CADM1: variants seen among roughly 807,000 people sequenced by gnomAD.
CADM1 encodes the protein cell adhesion molecule 1, also known as TSLC-1.
In CADM1, 15 loss-of-function variants were observed where a neutral mutation model predicts 53.1. The ratio of observed to expected loss-of-function variants is 0.28; its 90% confidence interval spans 0.19 to 0.44. The LOEUF (loss-of-function observed/expected upper bound fraction) is 0.44. Among genes scored for constraint, CADM1 ranks in the 20% least tolerant of loss-of-function variants. The probability of loss-of-function intolerance (pLI) is 1.00; values close to 1 mark genes in which losing one functional copy is unlikely to be tolerated. For missense variants in CADM1, 434 were observed against 611.3 expected (o/e 0.71, Z 3.06); for synonymous variants, 281 against 243.0 (o/e 1.16, Z -1.45).
At chr11:115,247,298 T>C (rs1394594469) in intron 1 of CADM1, among the ~76,000 whole-genome samples, 1 of 152,200 alleles carries the variant, frequency 6.6e-6, no homozygotes, top group Non-Finnish European at 1.5e-5. Flanking sequence ...TTCAGTCTTA[T>C]TGGGCATTTT....
intron 1 of CADM1, among the ~76,000 whole-genome samples, chr11:115,385,662 T>A (rs758490229): frequency 6.8e-6 from 1 of 146,818 alleles, no homozygotes; most frequent in Non-Finnish European, 1.5e-5. Context: ...CCGCCACAGG[T>A]ACATATTAAA....
chr11:115,382,309 C>T lies in CADM1; in HGVS notation c.124+121962G>A, dbSNP rs143053866. On this transcript the variant is annotated intron_variant, in intron 1 of 11. Coordinates refer to ENST00000331581, the MANE Select transcript of CADM1 (RefSeq NM_001301043.2). ...TAATAATACTGTTAATATAAAGATC[C>T]GGGGTAAGTCACACAAGAAAAAAAA... Among the ~76,000 whole-genome samples the T allele has an allele frequency of 1.5e-4, 22 of 151,630 alleles. No individual in the cohort carries two copies. The East Asian group carries it at 3.1e-3, about 21-fold the overall frequency.
At chr11:115,406,868 T>C (rs1371746433) in intron 1 of CADM1, among the ~76,000 whole-genome samples, 2 of 151,246 alleles carry the variant, frequency 1.3e-5, no homozygotes, top group Non-Finnish European at 2.9e-5. Flanking sequence ...GAGAATCACT[T>C]GAACCTGGGA....
intron 1 of CADM1, among the ~76,000 whole-genome samples, chr11:115,371,021 C>T (rs1390445687): frequency 1.3e-5 from 2 of 152,068 alleles, no homozygotes; most frequent in Non-Finnish European, 2.9e-5. Context: ...AGCAGCAACA[C>T]TTCATCAGCA....
chr11:115,303,605 G>A (rs1318068411), intron 1 of CADM1, among the ~76,000 whole-genome samples: 2 of 152,020 alleles, frequency 1.3e-5, no homozygotes, highest in African/African-American at 4.8e-5. Context: ...TTCTGTAAAA[G>A]ATAAAGCAAG....
At chr11:115,397,675 C>G (rs979385529) in intron 1 of CADM1, 8 of 111,560 alleles carry the variant, frequency 7.2e-5, no homozygotes, top group African/African-American at 2.8e-4. Flanking sequence ...ATCTGTATAG[C>G]TCATTTTTTT....
chr11:115,268,212 T>A (rs1435568014), intron 1 of CADM1, among the ~76,000 whole-genome samples: 1 of 152,206 alleles, frequency 6.6e-6, no homozygotes, highest in Non-Finnish European at 1.5e-5. Flanking sequence ...TAGCTATAGA[T>A]AACTACTAAC....
intron 1 of CADM1, among the ~76,000 whole-genome samples, chr11:115,452,745 G>A (rs996673660): frequency 6.6e-6 from 1 of 152,124 alleles, no homozygotes; most frequent in Non-Finnish European, 1.5e-5. Context: ...TCTAGGCTCT[G>A]TGCATATGTA....
rs1010955724 is a variant in CADM1 at position 115,483,758 on chromosome 11, T to A, written c.124+20513A>T. Among the ~76,000 whole-genome samples, 5 of 152,352 alleles carry A rather than the reference T, an allele frequency of 3.3e-5. No individual in the cohort carries two copies. The South Asian group carries it at 1.0e-3, about 32-fold the overall frequency. On this transcript the variant is annotated intron_variant, in intron 1 of 11. Coordinates refer to ENST00000331581, the MANE Select transcript of CADM1 (RefSeq NM_001301043.2). Reference sequence around the variant, plus strand: ...CTATGCAGCCCTATATGGTAGCCGATAAACACACATGGCTACTGACCTATA... The same window carrying A: ...CTATGCAGCCCTATATGGTAGCCGAAAAACACACATGGCTACTGACCTATA...
At chr11:115,427,984 C>T (rs1022728507) in intron 1 of CADM1, among the ~76,000 whole-genome samples, 10 of 119,078 alleles carry the variant, frequency 8.4e-5, no homozygotes, top group South Asian at 2.6e-4. Flanking sequence ...CCAGCCTGGG[C>T]GACAGAGCAA....
At chr11:115,403,797 A>G (rs1372258784) in intron 1 of CADM1, among the ~76,000 whole-genome samples, 1 of 151,466 alleles carries the variant, frequency 6.6e-6, no homozygotes, top group Non-Finnish European at 1.5e-5. Flanking sequence ...GGGTTTCACC[A>G]TGTTGGCCAG....
intron 1 of CADM1, among the ~76,000 whole-genome samples, chr11:115,378,714 G>A (rs1443882044): frequency 6.6e-6 from 1 of 152,094 alleles, no homozygotes; most frequent in Non-Finnish European, 1.5e-5. Flanking sequence ...AATTCAAATT[G>A]CAGTGTCCAT....
At chr11:115,362,504 A>G (rs962957433) in intron 1 of CADM1, among the ~76,000 whole-genome samples, 7 of 152,272 alleles carry the variant, frequency 4.6e-5, no homozygotes, top group Admixed American at 1.3e-4. Flanking sequence ...CAACAAAAAT[A>G]GTTTTAATTA....
intron 1 of CADM1, among the ~76,000 whole-genome samples, chr11:115,480,865 T>C (rs1949242933): frequency 6.6e-6 from 1 of 152,012 alleles, no homozygotes; most frequent in African/African-American, 2.4e-5. Flanking sequence ...CCCTCCTTCT[T>C]AAAGCCTTGC....
intron 1 of CADM1, among the ~76,000 whole-genome samples, chr11:115,470,099 T>A (rs971313818): frequency 6.6e-6 from 1 of 152,208 alleles, no homozygotes; most frequent in African/African-American, 2.4e-5. Flanking sequence ...ATAAAAATAA[T>A]AGTAATGCCT....
chr11:115,345,097 G>C (rs1377123816), intron 1 of CADM1, among the ~76,000 whole-genome samples: 1 of 152,092 alleles, frequency 6.6e-6, no homozygotes, highest in Admixed American at 6.6e-5. Flanking sequence ...GCTGTCTAGG[G>C]ACAGCAAACA....
At chr11:115,312,447 C>T (rs1944556729) in intron 1 of CADM1, among the ~76,000 whole-genome samples, 1 of 152,108 alleles carries the variant, frequency 6.6e-6, no homozygotes, top group South Asian at 2.1e-4. Flanking sequence ...CTGGAATGTA[C>T]TAATCCATTA....
chr11:115,251,176 G>A (rs1229542902), intron 1 of CADM1, among the ~76,000 whole-genome samples: 1 of 152,194 alleles, frequency 6.6e-6, no homozygotes, highest in East Asian at 1.9e-4. Context: ...AAACTCGAAA[G>A]GCAGCTCAAC....
intron 1 of CADM1, among the ~76,000 whole-genome samples, chr11:115,318,485 T>C (rs949360755): frequency 1.3e-5 from 2 of 152,192 alleles, no homozygotes; most frequent in African/African-American, 4.8e-5. Flanking sequence ...TAGTGAATTT[T>C]CAGTGAAGTT....
Sources: allele counts gnomAD v4.1 joint callset (sites outside exome capture counted in the v4.1 genomes callset), GRCh38; gene constraint gnomAD v4.1.1; transcripts MANE v1.5; gene names NCBI Gene and HGNC (gene_info 2026-07-23, HGNC 2026-07-21).